The following SLC13A3 variants were observed in gnomAD, a reference collection of about 807,000 sequenced individuals.
SLC13A3 encodes solute carrier family 13 member 3, also known as Na(+)/dicarboxylate cotransporter 3.
A neutral mutation model predicts 59.0 loss-of-function variants in SLC13A3; 40 were observed. The ratio of observed to expected loss-of-function variants is 0.68; its 90% confidence interval spans 0.53 to 0.88. The LOEUF is 0.88. SLC13A3 is among the 40% of genes least tolerant of loss of function. SLC13A3 has a pLI of 0.00. For synonymous variants in SLC13A3, 317 were observed against 330.3 expected, an observed-to-expected ratio of 0.96 and a Z score of 0.44; for missense variants, 699 against 783.2, an observed-to-expected ratio of 0.89 and a Z score of 1.28.
At chr20:46,570,477 T>C (rs2062020423) in intron 10 of SLC13A3, among the ~76,000 whole-genome samples, 1 of 152,234 alleles carries the variant, frequency 6.6e-6, no homozygotes, top group Admixed American at 6.5e-5. Context: ...TAGCCCAGCC[T>C]ACCTTAAATG....
intron 1 of SLC13A3, among the ~76,000 whole-genome samples, chr20:46,642,655 C>T (rs2062856003): frequency 6.6e-6 from 1 of 152,196 alleles, no homozygotes; most frequent in Non-Finnish European, 1.5e-5. Context: ...CATCTTACCA[C>T]ATCCAGTCCA....
intron 6 of SLC13A3, among the ~76,000 whole-genome samples, chr20:46,589,576 G>A (rs58932751): frequency 6.6e-6 from 1 of 152,134 alleles, no homozygotes; most frequent in African/African-American, 2.4e-5. Context: ...TCACAAATGG[G>A]AATTTAGTCT....
intron 9 of SLC13A3, 70 bp from the exon 10 acceptor site, chr20:46,575,755 G>A: frequency 1.1e-6 from 1 of 909,478 alleles, no homozygotes; most frequent in Non-Finnish European, 1.6e-6. Flanking sequence ...CCAGCCCTGA[G>A]CCCCATCTTA....
chr20:46,586,808 A>C (rs781529052), intron 8 of SLC13A3, among the ~76,000 whole-genome samples: 2 of 152,202 alleles, frequency 1.3e-5, no homozygotes, highest in Non-Finnish European at 2.9e-5. Context: ...AGGGGTCAGC[A>C]AATGTCTCCT....
intron 8 of SLC13A3, chr20:46,584,055 TC>T (rs1332972643): frequency 2.0e-6 from 2 of 985,146 alleles, no homozygotes; most frequent in Non-Finnish European, 2.4e-6. Flanking sequence ...CTTGAATCCC[TC>T]CTGGGATGGG....
intron 12 of SLC13A3, among the ~76,000 whole-genome samples, chr20:46,561,790 C>G (rs1287039730): frequency 6.6e-6 from 1 of 152,050 alleles, no homozygotes; most frequent in Non-Finnish European, 1.5e-5. Flanking sequence ...GCCCTGGCAC[C>G]TTCGGAGGAT....
At chr20:46,623,433 G>A (rs1210094256) in intron 1 of SLC13A3, among the ~76,000 whole-genome samples, 1 of 151,980 alleles carries the variant, frequency 6.6e-6, no homozygotes, top group Non-Finnish European at 1.5e-5. Context: ...GTCTAACTAT[G>A]TTGCCCAGGC....
At chr20:46,616,678 G>A (rs1281919461) in intron 1 of SLC13A3, among the ~76,000 whole-genome samples, 1 of 152,226 alleles carries the variant, frequency 6.6e-6, no homozygotes, top group Non-Finnish European at 1.5e-5. Flanking sequence ...CAGCAAACAA[G>A]GATGTGGGGA....
intron 3 of SLC13A3, among the ~76,000 whole-genome samples, chr20:46,603,750 C>T (rs2033059874): frequency 6.6e-6 from 1 of 151,770 alleles, no homozygotes; most frequent in Non-Finnish European, 1.5e-5. Context: ...TGATTTATTT[C>T]AATCACTTAA....
At chr20:46,608,941 A>C (rs1331128635) in intron 3 of SLC13A3, 1 of 1,550,990 alleles carries the variant, frequency 6.4e-7, no homozygotes, top group Admixed American at 2.0e-5. Flanking sequence ...CGGAAGTTGC[A>C]CACATCATTT....
chr20:46,657,465 C>A (rs1198024122), intron 1 of SLC13A3, among the ~76,000 whole-genome samples: 1 of 151,622 alleles, frequency 6.6e-6, no homozygotes, highest in African/African-American at 2.4e-5. Flanking sequence ...TACTGTATTA[C>A]GAGATTTTGG....
chr20:46,604,484 C>T, intron 3 of SLC13A3, among the ~76,000 whole-genome samples: 1 of 152,122 alleles, frequency 6.6e-6, no homozygotes, highest in Non-Finnish European at 1.5e-5. Flanking sequence ...TTCTTTTTTA[C>T]ATGGGATTTT....
upstream of SLC13A3, among the ~76,000 whole-genome samples, chr20:46,672,015 C>G (rs1227372424): frequency 1.3e-5 from 2 of 152,210 alleles, no homozygotes; most frequent in Non-Finnish European, 2.9e-5. Flanking sequence ...AACAGAGGGT[C>G]ACAGTGTCTG....
In SLC13A3 at chr20:46,560,087, TATC is replaced by T. The variant is rs757970706; in HGVS notation, c.1741_1743del (p.Asp581del). On this transcript the variant is annotated inframe_deletion, in exon 13 of 13. Transcript: ENST00000279027. Reference sequence around the variant, plus strand: ...AATGCTGTGACATTGACCGAGTACATATCAGCCCAGTCCGGGAAGGTGCCCAGC... The same window carrying T: ...AATGCTGTGACATTGACCGAGTACATAGCCCAGTCCGGGAAGGTGCCCAGC... 1 of 1,614,112 alleles carries T rather than the reference TATC, an allele frequency of 6.2e-7. No individual in the cohort carries two copies. Among genetic ancestry groups the T allele is most frequent in the South Asian group, 1.1e-5 (1 of 91,066 alleles).
chr20:46,565,451 T>A lies in SLC13A3; in HGVS notation c.1494+778A>T, dbSNP rs192370362. 7.9e-5 allele frequency among the ~76,000 whole-genome samples: 12 copies of A among 152,188 alleles called. No individual in the cohort carries two copies. In the East Asian group the frequency reaches 2.3e-3, roughly 29 times the overall value. On this transcript the variant is annotated intron_variant, in intron 11 of 12. Transcript: ENST00000279027. ...TTTGTTTTGAGACAGGATCTGGATC[T>A]GGGTCTGTTGCCCAGGCACCTGCCA...
At chr20:46,674,076 G>C (rs1176741356), upstream of SLC13A3, among the ~76,000 whole-genome samples, 2 of 152,196 alleles carry the variant, frequency 1.3e-5, no homozygotes, top group Non-Finnish European at 2.9e-5. Context: ...AAGGTAGGCA[G>C]TGGGAGAGAG....
rs1347199570 is a variant in SLC13A3 at position 46,651,447 on chromosome 20, C to A, written c.-26G>T. 2.1e-6 allele frequency: 3 copies of A among 1,457,114 alleles called. No individual in the cohort carries two copies. The highest frequency in any genetic ancestry group is 1.8e-6 in the Non-Finnish European group (2 of 1,112,332). 90.3% of individuals were successfully genotyped at this position (1,457,114 alleles called of 1,614,324 possible). A position where few individuals can be genotyped will look rare whatever the true frequency, so the allele number is the denominator to read the frequency against. On this transcript the variant is annotated 5_prime_UTR_variant, in exon 1 of 13. Transcript: ENST00000279027. The stretch of plus-strand genomic sequence containing the variant: ...CAGCGCGATCGCCTGGCGGTACGGG[C>A]CGGCCCGGGACTGCCCCGCCTGGCC...
At chr20:46,645,725 C>T (rs2062888385) in intron 1 of SLC13A3, among the ~76,000 whole-genome samples, 1 of 152,176 alleles carries the variant, frequency 6.6e-6, no homozygotes, top group African/African-American at 2.4e-5. Flanking sequence ...AGATCGCAGG[C>T]CCATAGCTTC....
chr20:46,648,684 C>T (rs1046564867), intron 1 of SLC13A3, among the ~76,000 whole-genome samples: 4 of 152,126 alleles, frequency 2.6e-5, no homozygotes, highest in Non-Finnish European at 5.9e-5. Context: ...GCTGGTGGAT[C>T]GCTTGAGTCT....
Sources: gnomAD v4.1 joint callset for allele counts (sites outside exome capture counted in the v4.1 genomes callset) on GRCh38, gnomAD v4.1.1 for gene constraint, MANE v1.5 for transcripts, NCBI Gene and HGNC (gene_info 2026-07-23, HGNC 2026-07-21) for gene names.